DSCAM: variants seen among roughly 807,000 people sequenced by gnomAD.
DSCAM encodes cell adhesion molecule DSCAM.
A neutral mutation model predicts 217.7 loss-of-function variants in DSCAM; 47 were observed. The ratio of observed to expected loss-of-function variants is 0.22; its 90% CI spans 0.17 to 0.28. The LOEUF is 0.28. DSCAM is among the 10% of genes least tolerant of loss of function. DSCAM has a pLI of 1.00. For synonymous variants in DSCAM, 1,056 were observed against 1,015.3 expected (o/e 1.04, Z -0.76); for missense variants, 2,080 against 2,618.3 (o/e 0.79, Z 4.49).
intron 1 of DSCAM, among the ~76,000 whole-genome samples, chr21:40,732,863 A>G (rs1387019142): frequency 6.6e-6 from 1 of 152,188 alleles, no homozygotes; most frequent in East Asian, 1.9e-4. Context: ...TATGATGATC[A>G]CTTGCTATTT....
intron 3 of DSCAM, among the ~76,000 whole-genome samples, chr21:40,581,524 C>T (rs1008064949): frequency 4.6e-5 from 7 of 152,168 alleles, no homozygotes; most frequent in African/African-American, 1.7e-4. Context: ...GTTCATAATC[C>T]TAAACTGTAG....
intron 11 of DSCAM, among the ~76,000 whole-genome samples, chr21:40,221,123 T>C (rs2091285598): frequency 6.6e-6 from 1 of 152,122 alleles, no homozygotes; most frequent in Non-Finnish European, 1.5e-5. Flanking sequence ...CTGTTTATTA[T>C]TATGCAAGAG....
intron 16 of DSCAM, among the ~76,000 whole-genome samples, chr21:40,162,542 G>A (rs1469683261): frequency 6.6e-6 from 1 of 152,174 alleles, no homozygotes; most frequent in Non-Finnish European, 1.5e-5. Context: ...TCATTTTCCT[G>A]TTGTAAGAGC....
At chr21:40,683,294 A>G (rs563476511) in intron 3 of DSCAM, among the ~76,000 whole-genome samples, 1 of 152,298 alleles carries the variant, frequency 6.6e-6, no homozygotes, top group Non-Finnish European at 1.5e-5. Flanking sequence ...AACATTTGGA[A>G]GTCATGGGTG....
At position 40,648,675 on chromosome 21, in the gene DSCAM, CCTT is replaced by C. The variant is rs139887708; in HGVS notation, c.508+44132_508+44134del. On this transcript the variant is annotated intron_variant, in intron 3 of 32. Coordinates refer to ENST00000400454, the MANE Select transcript of DSCAM (RefSeq NM_001389.5). The stretch of plus-strand genomic sequence containing the variant: ...CCTTTGAGTGGTGTCTTCATTTTAA[CCTT>C]TTTTGCACACTCATAAACCAATCAG... Among the ~76,000 whole-genome samples, 503 of 152,258 alleles carry C rather than the reference CCTT, an allele frequency of 3.3e-3. 4 individuals are homozygous for C. The highest frequency in any genetic ancestry group is 0.012 in the African/African-American group (482 of 41,554).
intron 8 of DSCAM, 141 bp downstream of exon 8, chr21:40,337,960 A>T: frequency 9.3e-7 from 1 of 1,077,608 alleles, no homozygotes; most frequent in Non-Finnish European, 1.4e-6. Flanking sequence ...AGGACATCTC[A>T]TGTTCCCTGT....
At chr21:40,713,838 A>C (rs2146493603) in intron 1 of DSCAM, among the ~76,000 whole-genome samples, 1 of 152,316 alleles carries the variant, frequency 6.6e-6, no homozygotes, top group Middle Eastern at 3.4e-3. Flanking sequence ...GAGGCAGAAG[A>C]GACATTAATC....
At chr21:40,426,880 G>C (rs763910448) in intron 3 of DSCAM, among the ~76,000 whole-genome samples, 1 of 151,956 alleles carries the variant, frequency 6.6e-6, no homozygotes, top group Non-Finnish European at 1.5e-5. Context: ...GCTCACATTT[G>C]CTCTTTCTTC....
At position 40,339,434 on chromosome 21, in the gene DSCAM, T is replaced by C; in HGVS notation, c.1211-19A>G. The C allele has an allele frequency of 1.3e-6, 2 of 1,573,144 alleles. No individual in the cohort carries two copies. Among genetic ancestry groups the C allele is most frequent in the Non-Finnish European group, 1.7e-6 (2 of 1,160,266 alleles). On this transcript the variant is annotated intron_variant, in intron 6 of 32. Transcript: ENST00000400454. ...GTTCCATCTGCAGGAAAACAAATTA[T>C]GGAAGAAAGTGGCACATACAAATAA...
At chr21:40,473,613 C>T (rs1349304880) in intron 3 of DSCAM, among the ~76,000 whole-genome samples, 1 of 152,154 alleles carries the variant, frequency 6.6e-6, no homozygotes, top group Non-Finnish European at 1.5e-5. Context: ...CAACTATTGT[C>T]AGATTTTGTT....
chr21:40,765,279 G>A (rs1033553105), intron 1 of DSCAM, among the ~76,000 whole-genome samples: 3 of 152,236 alleles, frequency 2.0e-5, no homozygotes, highest in East Asian at 1.9e-4. Flanking sequence ...AATTCCTTGC[G>A]CAGAGCAACT....
intron 3 of DSCAM, among the ~76,000 whole-genome samples, chr21:40,660,089 C>A (rs2090123008): frequency 2.6e-5 from 4 of 152,122 alleles, no homozygotes; most frequent in Admixed American, 2.0e-4. Flanking sequence ...CTGCATCTTC[C>A]CAAAACCACA....
intron 1 of DSCAM, among the ~76,000 whole-genome samples, chr21:40,713,026 CA>C (rs1488233149): frequency 2.0e-5 from 3 of 152,192 alleles, no homozygotes; most frequent in Non-Finnish European, 2.9e-5. Flanking sequence ...TCTCCTTGAT[CA>C]GGGGAAGCAT....
At chr21:40,793,585 G>A (rs1338723256) in intron 1 of DSCAM, among the ~76,000 whole-genome samples, 3 of 152,038 alleles carry the variant, frequency 2.0e-5, no homozygotes, top group South Asian at 2.1e-4. Context: ...CTGCCTCTTG[G>A]GTTCCAATGA....
chr21:40,836,621 T>G (rs1209391457), intron 1 of DSCAM, among the ~76,000 whole-genome samples: 1 of 152,252 alleles, frequency 6.6e-6, no homozygotes, highest in Non-Finnish European at 1.5e-5. Context: ...GGAACTTTAC[T>G]GGATCAACTT....
At chr21:40,097,935 T>C (rs1443075497) in intron 20 of DSCAM, among the ~76,000 whole-genome samples, 3 of 45,348 alleles carry the variant, frequency 6.6e-5, no homozygotes, top group East Asian at 1.5e-3. Context: ...AGTGAGACTC[T>C]GTCTCAAAAA....
At chr21:40,514,494 A>G (rs1036707391) in intron 3 of DSCAM, among the ~76,000 whole-genome samples, 1 of 151,668 alleles carries the variant, frequency 6.6e-6, no homozygotes, top group African/African-American at 2.4e-5. Context: ...TAAACCCTGT[A>G]TTTTTGGTTG....
chr21:40,660,275 G>C (rs1324581948), intron 3 of DSCAM, among the ~76,000 whole-genome samples: 5 of 152,012 alleles, frequency 3.3e-5, no homozygotes, highest in African/African-American at 1.2e-4. Context: ...GAAATGACAA[G>C]AGAAAGAAAG....
At chr21:40,324,647 T>C (rs538038471) in intron 8 of DSCAM, among the ~76,000 whole-genome samples, 1 of 152,342 alleles carries the variant, frequency 6.6e-6, no homozygotes, top group East Asian at 1.9e-4. Flanking sequence ...TGATAATATC[T>C]ATATGTAAAC....
Sources: allele counts gnomAD v4.1 joint callset (sites outside exome capture counted in the v4.1 genomes callset), GRCh38; gene constraint gnomAD v4.1.1; transcripts MANE v1.5; gene names NCBI Gene and HGNC (gene_info 2026-07-23, HGNC 2026-07-21).